The following ROR2 variants were observed in gnomAD, a reference collection of about 807,000 sequenced individuals.
ROR2 encodes ROR family WNT receptor 2.
Under a neutral mutation model 74.9 loss-of-function variants are expected in ROR2, and 33 were observed. The observed-to-expected ratio is 0.44, with a 90% CI of 0.33 to 0.59. The LOEUF (loss-of-function observed/expected upper bound fraction) is 0.59, where lower values mean the gene tolerates loss of function less well. Ranked by LOEUF, ROR2 falls within the 20% of genes least tolerant of loss-of-function variation. The pLI is 0.02. For synonymous variants in ROR2, 586 were observed against 558.7 expected, an observed-to-expected ratio of 1.05 and a Z score of -0.69; for missense variants, 1,216 against 1,313.8, an observed-to-expected ratio of 0.93 and a Z score of 1.15.
chr9:91,900,329 C>G (rs1830641168), intron 1 of ROR2, among the ~76,000 whole-genome samples: 1 of 152,154 alleles, frequency 6.6e-6, no homozygotes, highest in African/African-American at 2.4e-5. Context: ...CGCAAGTCCT[C>G]CAGCTGCCTC....
At chr9:91,898,043 G>A (rs1206126412) in intron 1 of ROR2, among the ~76,000 whole-genome samples, 1 of 152,018 alleles carries the variant, frequency 6.6e-6, no homozygotes, top group Non-Finnish European at 1.5e-5. Flanking sequence ...CACACACCCC[G>A]AGAACCCCTC....
chr9:91,845,877 CAAAAAAAAA>C (rs5899143), intron 1 of ROR2, among the ~76,000 whole-genome samples: 758 of 33,838 alleles, frequency 0.022, 5 homozygotes, highest in African/African-American at 0.028. Flanking sequence ...GAATCCATCT[CAAAAAAAAA>C]AAAAAAAAAA....
rs142516140 is a variant in ROR2, at chr9:91,854,796, C to T, written c.98-78978G>A. 9.1e-3 allele frequency among the ~76,000 whole-genome samples: 1,392 copies of T among 152,314 alleles called. 27 individuals carry two copies. Among genetic ancestry groups the T allele is most frequent in the African/African-American group, 0.032 (1,348 of 41,560 alleles). On this transcript the variant is annotated intron_variant, in intron 1 of 8. Transcript: ENST00000375708. ...TTTAGAATAAGACCTCACTGCTTTGCCTCTCGTTAGAGGTAAGGTTTGAAT... is the reference window on the plus strand; with the variant it reads ...TTTAGAATAAGACCTCACTGCTTTGTCTCTCGTTAGAGGTAAGGTTTGAAT...
intron 4 of ROR2, among the ~76,000 whole-genome samples, chr9:91,744,213 C>CTTTTTTTTTTT (rs1167780367): frequency 2.2e-5 from 2 of 89,082 alleles, no homozygotes; most frequent in Non-Finnish European, 2.0e-5. Context: ...AATTTGTTAA[C>CTTTTTTTTTTT]TTTTTTTTTT....
At position 91,828,423 on chromosome 9, in the gene ROR2, C is replaced by T. The variant is rs184803952; in HGVS notation, c.98-52605G>A. 2.5e-4 allele frequency among the ~76,000 whole-genome samples: 38 copies of T among 152,296 alleles called. 1 individual carries two copies. The East Asian group carries it at 3.3e-3, about 13-fold the overall frequency. Reference sequence around the variant, plus strand: ...GTCTATTTACTTGGGCTTTAATGTACATATTCTCGGCAGGGTGCGGTGGCT... The same window carrying T: ...GTCTATTTACTTGGGCTTTAATGTATATATTCTCGGCAGGGTGCGGTGGCT... On this transcript the variant is annotated intron_variant, in intron 1 of 8. Transcript: ENST00000375708.
At chr9:91,843,806 A>C (rs1012568702) in intron 1 of ROR2, among the ~76,000 whole-genome samples, 4 of 152,222 alleles carry the variant, frequency 2.6e-5, no homozygotes, top group African/African-American at 9.6e-5. Flanking sequence ...TCTGCTTCTC[A>C]TTGAGGAATG....
intron 4 of ROR2, among the ~76,000 whole-genome samples, chr9:91,741,176 T>G (rs904541311): frequency 2.6e-5 from 4 of 151,978 alleles, no homozygotes; most frequent in Admixed American, 2.6e-4. Context: ...GGTGCACACC[T>G]GTAGTCCCAG....
At chr9:91,728,499 C>T (rs555024095) in intron 7 of ROR2, among the ~76,000 whole-genome samples, 42 of 152,300 alleles carry the variant, frequency 2.8e-4, no homozygotes, top group Non-Finnish European at 5.4e-4. Flanking sequence ...GGTGGGATCT[C>T]AGTTCACTGC....
rs377279084 is a variant in ROR2, at chr9:91,944,402, C to T, written c.97+5465G>A. On this transcript the variant is annotated intron_variant, in intron 1 of 8. Coordinates refer to ENST00000375708, the MANE Select transcript of ROR2 (RefSeq NM_004560.4). ...AGGCAAGACCAAAAATAATAAAAGGCATCCAAATTGTAAAGGAAGAAGTAA... is the reference window on the plus strand; with the variant it reads ...AGGCAAGACCAAAAATAATAAAAGGTATCCAAATTGTAAAGGAAGAAGTAA... Among the ~76,000 whole-genome samples, 96 of 152,240 alleles carry T rather than the reference C, an allele frequency of 6.3e-4. 2 individuals carry two copies. In the South Asian group the frequency reaches 0.02, roughly 32 times the overall value.
intron 1 of ROR2, among the ~76,000 whole-genome samples, chr9:91,946,301 A>G (rs1832012370): frequency 6.6e-6 from 1 of 152,216 alleles, no homozygotes; most frequent in African/African-American, 2.4e-5. Context: ...CAAAAAGGAA[A>G]TATCCTAATG....
chr9:91,826,124 G>A (rs1252725414), intron 1 of ROR2, among the ~76,000 whole-genome samples: 4 of 152,112 alleles, frequency 2.6e-5, no homozygotes, highest in Admixed American at 2.6e-4. Context: ...GCCCACCTTG[G>A]CCAGGGCTAC....
chr9:91,739,564 T>C (rs1185786126), intron 4 of ROR2, among the ~76,000 whole-genome samples: 1 of 151,290 alleles, frequency 6.6e-6, no homozygotes, highest in Non-Finnish European at 1.5e-5. Context: ...ACCACATGGA[T>C]TTAAAATCCC....
intron 1 of ROR2, among the ~76,000 whole-genome samples, chr9:91,831,209 C>T (rs1176217334): frequency 6.6e-6 from 1 of 150,530 alleles, no homozygotes; most frequent in Non-Finnish European, 1.5e-5. Flanking sequence ...TGTGGTGAGC[C>T]GAGATTGCAC....
intron 2 of ROR2, among the ~76,000 whole-genome samples, chr9:91,764,559 TACACAC>T (rs11405599): frequency 6.8e-6 from 1 of 147,612 alleles, no homozygotes; most frequent in Non-Finnish European, 1.5e-5. Flanking sequence ...TATAATCACT[TACACAC>T]ACACACACAC....
intron 4 of ROR2, among the ~76,000 whole-genome samples, chr9:91,748,127 T>C (rs116853478): frequency 1.2e-4 from 18 of 152,188 alleles, no homozygotes; most frequent in Admixed American, 3.9e-4. Flanking sequence ...ACAAAAAAAT[T>C]AGCCAGGCAT....
intron 1 of ROR2, among the ~76,000 whole-genome samples, chr9:91,808,048 C>T (rs1056109257): frequency 1.3e-5 from 2 of 151,958 alleles, no homozygotes; most frequent in African/African-American, 2.4e-5. Context: ...CAAAATGTGA[C>T]GTCACCTGAC....
At chr9:91,932,968 C>A (rs1017613416) in intron 1 of ROR2, among the ~76,000 whole-genome samples, 11 of 152,134 alleles carry the variant, frequency 7.2e-5, no homozygotes, top group African/African-American at 2.7e-4. Flanking sequence ...AAATTGCTGC[C>A]ACCTTCTGGG....
intron 1 of ROR2, among the ~76,000 whole-genome samples, chr9:91,799,561 C>A (rs771915124): frequency 3.4e-4 from 51 of 152,172 alleles, no homozygotes; most frequent in Non-Finnish European, 6.6e-4. Context: ...GAGGTTCTGG[C>A]CAGATGGGGG....
chr9:91,812,596 G>A (rs892408268), intron 1 of ROR2, among the ~76,000 whole-genome samples: 6 of 151,608 alleles, frequency 4.0e-5, no homozygotes, highest in Admixed American at 3.3e-4. Flanking sequence ...GTGGCCTGTC[G>A]CACACACTGG....
Sources: allele counts gnomAD v4.1 joint callset (sites outside exome capture counted in the v4.1 genomes callset), GRCh38; gene constraint gnomAD v4.1.1; transcripts MANE v1.5; gene names NCBI Gene and HGNC (gene_info 2026-07-23, HGNC 2026-07-21).